The following SIM2 variants were observed in gnomAD, a reference collection of about 807,000 sequenced individuals.
SIM2 encodes single-minded homolog 2.
In SIM2, 28 loss-of-function variants were observed where a neutral mutation model predicts 64.8. The ratio of observed to expected loss-of-function variants is 0.43; its 90% CI spans 0.32 to 0.59. SIM2 has a LOEUF of 0.59. Ranked by LOEUF, SIM2 falls within the 20% of genes least tolerant of loss-of-function variation. The probability of loss-of-function intolerance (pLI) is 0.07; values close to 1 mark genes in which losing one functional copy is unlikely to be tolerated. For synonymous variants in SIM2, 408 were observed against 391.1 expected (o/e 1.04, Z -0.51); for missense variants, 847 against 871.4 (o/e 0.97, Z 0.35).
intron 7 of SIM2, among the ~76,000 whole-genome samples, chr21:36,736,827 T>TCTTCTTTCTTTTC (rs1301317137): frequency 4.3e-5 from 6 of 140,852 alleles, no homozygotes; most frequent in South Asian, 2.4e-4. Context: ...TCCCTCCCTT[T>TCTTCTTTCTTTTC]CTTCTTTCTT....
At chr21:36,700,392 C>CTCCT (rs1212676072) in intron 1 of SIM2, among the ~76,000 whole-genome samples, 4 of 145,156 alleles carry the variant, frequency 2.8e-5, no homozygotes, top group African/African-American at 1.0e-4. Flanking sequence ...CTCTCCCTCC[C>CTCCT]TCCTTCCTTC....
rs1053206189 is a variant in SIM2 at position 36,745,538 on chromosome 21, G to A, written c.1576+402G>A. On this transcript the variant is annotated intron_variant, in intron 10 of 10. Transcript: ENST00000290399. This position sits in a 1 kb window ranked among gnomAD's most constrained non-coding sequence, Gnocchi z 4.8. The stretch of plus-strand genomic sequence containing the variant: ...CCAGAAGTGAATATTTGAGACAAAC[G>A]GCCTATTGGCTATTTTCCCATGCCA... 2.5e-5 allele frequency: 28 copies of A among 1,114,856 alleles called. No homozygotes were observed. The highest frequency in any genetic ancestry group is 2.4e-5 in the South Asian group (1 of 42,138). The allele number at this position is 1,114,856 out of a possible 1,614,324, so 69.1% of individuals were successfully genotyped here. A position where few individuals can be genotyped will look rare whatever the true frequency, so the allele number is the denominator to read the frequency against.
In SIM2 at chr21:36,699,962, G is replaced by A. The variant is rs746413207; in HGVS notation, c.175+41G>A. 4 of 1,531,122 alleles carry A rather than the reference G, an allele frequency of 2.6e-6. No homozygotes were observed. The highest frequency in any genetic ancestry group is 4.6e-5 in the Admixed American group (2 of 43,926). The allele number at this position is 1,531,122 out of a possible 1,614,324, so 94.8% of individuals were successfully genotyped here. A position where few individuals can be genotyped will look rare whatever the true frequency, so the allele number is the denominator to read the frequency against. The stretch of plus-strand genomic sequence containing the variant: ...GGCGGCCGGGGACGCTGGGGAGCCC[G>A]GCGGCCCCGGCCCAGGCGGGAAGCG... On this transcript the variant is annotated intron_variant, in intron 1 of 10. Transcript: ENST00000290399. This position sits in a 1 kb window ranked among gnomAD's most constrained non-coding sequence, Gnocchi z 5.6.
chr21:36,724,337 G>C (rs2088862327), intron 5 of SIM2, among the ~76,000 whole-genome samples: 5 of 152,210 alleles, frequency 3.3e-5, no homozygotes, highest in Admixed American at 3.3e-4. Context: ...GGAGTCCAGT[G>C]GTGCAATCAC....
chr21:36,729,653 C>A (rs2088939435), intron 6 of SIM2, among the ~76,000 whole-genome samples: 1 of 152,178 alleles, frequency 6.6e-6, no homozygotes, highest in Admixed American at 6.5e-5. Context: ...CTCACCCGGC[C>A]CCCAGGACTG....
intron 3 of SIM2, 66 bp from the exon 4 acceptor site, chr21:36,719,755 T>A: frequency 2.2e-6 from 2 of 928,124 alleles, no homozygotes; most frequent in Non-Finnish European, 3.6e-6. Flanking sequence ...GTGACACACC[T>A]TGCCCCTCCC....
intron 7 of SIM2, among the ~76,000 whole-genome samples, chr21:36,739,906 C>CAG (rs35580430): frequency 0.69 from 102,394 of 148,646 alleles, 35,889 homozygotes; most frequent in Middle Eastern, 0.74. Flanking sequence ...ACCCAGGAGG[C>CAG]AGGTTTCAGT....
chr21:36,718,934 T>G (rs531346471), intron 3 of SIM2, among the ~76,000 whole-genome samples: 1 of 152,326 alleles, frequency 6.6e-6, no homozygotes, highest in African/African-American at 2.4e-5. Context: ...AGTTCGGGAA[T>G]TTGGGCCTCC....
intron 7 of SIM2, among the ~76,000 whole-genome samples, chr21:36,731,643 C>T (rs116466281): frequency 3.4e-4 from 51 of 152,220 alleles, no homozygotes; most frequent in African/African-American, 1.2e-3. Context: ...TGGATGGTAG[C>T]GGAGTTGGAA....
chr21:36,722,975 G>T (rs1380038104), intron 4 of SIM2, 70 bp from the exon 5 acceptor site: 1 of 1,186,232 alleles, frequency 8.4e-7, no homozygotes, highest in African/African-American at 1.5e-5. Context: ...GAACACATTG[G>T]TGCGGTTGGA....
intron 7 of SIM2, among the ~76,000 whole-genome samples, chr21:36,740,017 AAG>A (rs1267532814): frequency 2.6e-5 from 1 of 38,294 alleles, no homozygotes; most frequent in Non-Finnish European, 1.3e-4. Context: ...GAGAGAAAGA[AAG>A]AAAGAAAGAA....
chr21:36,745,071 C>T lies in SIM2; in HGVS notation c.1511C>T (p.Pro504Leu). Reference protein sequence around the residue: ...ANPLVPSSSSPAKNPPEPPAN... With the variant: ...ANPLVPSSSSLAKNPPEPPAN... Reference sequence around the variant, plus strand: ...CCCCTAGTGCCTAGCAGCTCGTCTCCAGCTAAAAATCCTCCAGAGCCACCG... The same window carrying T: ...CCCCTAGTGCCTAGCAGCTCGTCTCTAGCTAAAAATCCTCCAGAGCCACCG... The change falls in exon 10 of 11, where the codon CCA becomes CTA. Residue 504 changes from proline to leucine, a missense_variant. By Grantham distance (98) the Pro-to-Leu change is moderately conservative. Around this residue, in one of 3 missense-constraint regions of SIM2, gnomAD observed 447 missense variants for 414.6 expected, o/e 1.08. Coordinates refer to ENST00000290399, the MANE Select transcript of SIM2 (RefSeq NM_005069.6). This position sits in a 1 kb window ranked among gnomAD's most constrained non-coding sequence, Gnocchi z 4.8. The T allele has an allele frequency of 6.2e-7, 1 of 1,613,378 alleles. No homozygotes were observed. Among genetic ancestry groups the T allele is most frequent in the Non-Finnish European group, 8.5e-7 (1 of 1,179,422 alleles).
At position 36,719,986 on chromosome 21, in the gene SIM2, A is replaced by G. The variant is rs772354163; in HGVS notation, c.457+57A>G. ...ACTAAAAGCAAGGCGACATTCTTAA[A>G]TGGAACTCAGGGCTTTGCTTCCCAC... On this transcript the variant is annotated intron_variant, in intron 4 of 10. Coordinates refer to ENST00000290399, the MANE Select transcript of SIM2 (RefSeq NM_005069.6). 4.0e-6 allele frequency: 5 copies of G among 1,238,946 alleles called. No homozygotes were observed. The East Asian group carries it at 9.3e-5, about 23-fold the overall frequency. 76.7% of individuals were successfully genotyped at this position (1,238,946 alleles called of 1,614,324 possible).
chr21:36,713,744 T>G lies in SIM2; in HGVS notation c.348+1122T>G, dbSNP rs184338766. On this transcript the variant is annotated intron_variant, in intron 3 of 10. Transcript: ENST00000290399. The stretch of plus-strand genomic sequence containing the variant: ...CCTTTTATTTTTCTGCCAATACTTT[T>G]TTTTATAAGCTTGCTATTTATTTAC... 1.9e-4 allele frequency among the ~76,000 whole-genome samples: 29 copies of G among 152,378 alleles called. No individual in the cohort carries two copies. The East Asian group carries it at 5.4e-3, about 28-fold the overall frequency.
In SIM2 at chr21:36,734,350, C is replaced by A. The variant is rs1467236194; in HGVS notation, c.850+3199C>A. Among the ~76,000 whole-genome samples the A allele has an allele frequency of 2.0e-5, 3 of 152,274 alleles. No individual in the cohort carries two copies. The East Asian group carries it at 5.8e-4, about 29-fold the overall frequency. ...CTCTGAAAGGGCAAGCAGGCACAGG[C>A]TCAAAAAGGTAGGCGTGTTTAGAAA... On this transcript the variant is annotated intron_variant, in intron 7 of 10. Coordinates refer to ENST00000290399, the MANE Select transcript of SIM2 (RefSeq NM_005069.6).
At chr21:36,744,689 C>G (rs765189904) in intron 9 of SIM2, 39 bp from the exon 10 acceptor site, 1 of 1,524,344 alleles carries the variant, frequency 6.6e-7, no homozygotes, top group East Asian at 2.4e-5. Context: ...TTCCTGCCGG[C>G]CCCTCGCTGG....
intron 1 of SIM2, chr21:36,701,572 C>T (rs1601681258): frequency 6.6e-6 from 1 of 152,502 alleles, no homozygotes; most frequent in Middle Eastern, 3.4e-3. Flanking sequence ...CCGCGGGGCG[C>T]TCTCCTCTCG....
In SIM2 at chr21:36,747,842, C is replaced by T; in HGVS notation, c.1754C>T (p.Thr585Ile). The change falls in exon 11 of 11, where the codon ACC (threonine) becomes ATC (isoleucine). Residue 585 changes from threonine to isoleucine, a missense_variant. Physicochemically the swap from Thr to Ile is moderately conservative, Grantham distance 89. Around this residue, in one of 3 missense-constraint regions of SIM2, gnomAD observed 447 missense variants for 414.6 expected, o/e 1.08. Transcript: ENST00000290399. The surrounding 1 kb of genome is among the most constrained non-coding windows in gnomAD (Gnocchi z 4.5). ...GCACCCGAGTGCTGCGCGCCCCCGA[C>T]CCCCGAGGCCCCGGGCGCGCCGGCG... ...RAAPECCAPP[T>I]PEAPGAPAQL... The T allele has an allele frequency of 2.9e-6, 3 of 1,035,184 alleles. No individual in the cohort carries two copies. The highest frequency in any genetic ancestry group is 3.5e-6 in the Non-Finnish European group (3 of 862,246). The allele number at this position is 1,035,184 out of a possible 1,614,324, so 64.1% of individuals were successfully genotyped here.
At chr21:36,737,516 A>G (rs1269200945) in intron 7 of SIM2, among the ~76,000 whole-genome samples, 1 of 152,260 alleles carries the variant, frequency 6.6e-6, no homozygotes, top group African/African-American at 2.4e-5. Flanking sequence ...GATCAGTGTC[A>G]GTAAACCTGA....
Sources: allele counts gnomAD v4.1 joint callset (sites outside exome capture counted in the v4.1 genomes callset), GRCh38; gene constraint gnomAD v4.1.1; regional missense constraint gnomAD v4.1.1; non-coding constraint Gnocchi (gnomAD v3.1); transcripts MANE v1.5; gene names NCBI Gene and HGNC (gene_info 2026-07-23, HGNC 2026-07-21).